MORN5: variants seen among roughly 807,000 people sequenced by gnomAD.
The protein encoded by MORN5 is MORN repeat-containing protein 5.
In MORN5, 21 loss-of-function variants were observed where a neutral mutation model predicts 22.1. That is an observed-to-expected ratio of 0.95 (90% CI 0.67 to 1.37). The LOEUF is 1.37. MORN5 is among the 40% of genes most tolerant of loss of function. MORN5 has a pLI of 0.00. For synonymous variants in MORN5, 73 were observed against 74.0 expected (o/e 0.99, Z 0.07); for missense variants, 211 against 215.1 (o/e 0.98, Z 0.12).
chr9:122,175,574 G>A, intron 4 of MORN5: 1 of 984,748 alleles, frequency 1.0e-6, no homozygotes, highest in African/African-American at 1.8e-5. Context: ...AATGTCCAAT[G>A]CATGCACACA....
chr9:122,182,643 C>T (rs866872416), intron 4 of MORN5, among the ~76,000 whole-genome samples: 15 of 152,110 alleles, frequency 9.9e-5, no homozygotes, highest in African/African-American at 2.4e-4. Flanking sequence ...CCCAGCTACT[C>T]GGGAGGCTGA....
intron 4 of MORN5, among the ~76,000 whole-genome samples, chr9:122,191,738 C>A (rs930583404): frequency 6.6e-6 from 1 of 152,262 alleles, no homozygotes; most frequent in Non-Finnish European, 1.5e-5. Flanking sequence ...GACCCCAATC[C>A]GCCTGCTTGC....
At chr9:122,187,428 C>T (rs1344508074) in intron 4 of MORN5, among the ~76,000 whole-genome samples, 6 of 152,204 alleles carry the variant, frequency 3.9e-5, no homozygotes, top group African/African-American at 1.4e-4. Context: ...GAGCCTTAGG[C>T]CCCCTAAGCT....
At chr9:122,184,315 C>T (rs1007583426) in intron 4 of MORN5, among the ~76,000 whole-genome samples, 7 of 152,252 alleles carry the variant, frequency 4.6e-5, no homozygotes, top group South Asian at 4.2e-4. Flanking sequence ...GTGAAAAGCT[C>T]CCAGACATGA....
At chr9:122,176,911 A>G (rs1801074288) in intron 4 of MORN5, among the ~76,000 whole-genome samples, 1 of 152,214 alleles carries the variant, frequency 6.6e-6, no homozygotes. Flanking sequence ...AGAATTTAGT[A>G]TCAGGAAATT....
chr9:122,169,504 C>A, intron 2 of MORN5, 141 bp from the exon 3 acceptor site: 1 of 630,394 alleles, frequency 1.6e-6, no homozygotes, highest in East Asian at 2.7e-5. Flanking sequence ...TCCCTCTTGT[C>A]GTCACAACCA....
intron 4 of MORN5, among the ~76,000 whole-genome samples, chr9:122,182,466 C>T (rs1343799035): frequency 1.3e-5 from 2 of 152,216 alleles, no homozygotes; most frequent in East Asian, 3.9e-4. Context: ...AACAGCTTAC[C>T]TTGGCCATGT....
intron 1 of MORN5, among the ~76,000 whole-genome samples, chr9:122,161,064 C>G (rs1464981859): frequency 1.3e-5 from 2 of 152,192 alleles, no homozygotes; most frequent in Admixed American, 6.5e-5. Flanking sequence ...GGTGGCCACT[C>G]TTTTTTGCCA....
chr9:122,166,959 C>T (rs371869893), intron 2 of MORN5, 44 bp downstream of exon 2: 32 of 1,574,202 alleles, frequency 2.0e-5, no homozygotes, highest in African/African-American at 2.7e-5. Context: ...GAGATCCTCA[C>T]GCAAGAAGAG....
At chr9:122,165,508 G>A (rs1445321875) in intron 1 of MORN5, among the ~76,000 whole-genome samples, 1 of 151,950 alleles carries the variant, frequency 6.6e-6, no homozygotes, top group Non-Finnish European at 1.5e-5. Flanking sequence ...TCAGGGGATT[G>A]AGGCTGCATT....
intron 4 of MORN5, chr9:122,175,536 C>A: frequency 1.0e-6 from 1 of 985,346 alleles, no homozygotes. Flanking sequence ...CTAGGAATAT[C>A]AAAAGATACG....
intron 2 of MORN5, among the ~76,000 whole-genome samples, chr9:122,167,182 G>A (rs950262312): frequency 1.3e-5 from 2 of 150,600 alleles, no homozygotes; most frequent in East Asian, 1.9e-4. Context: ...CGAGTAGCTG[G>A]GACTACGGGC....
At chr9:122,170,107 G>A (rs2118748597) in intron 3 of MORN5, among the ~76,000 whole-genome samples, 1 of 152,262 alleles carries the variant, frequency 6.6e-6, no homozygotes, top group South Asian at 2.1e-4. Flanking sequence ...AGACCATCCT[G>A]GCCAACATGG....
chr9:122,173,491 A>G (rs1009022246), intron 3 of MORN5, among the ~76,000 whole-genome samples: 3 of 152,144 alleles, frequency 2.0e-5, no homozygotes, highest in African/African-American at 7.2e-5. Context: ...TCATTAAGCA[A>G]CACAAGAGTA....
At chr9:122,191,036 A>G (rs532358993) in intron 4 of MORN5, among the ~76,000 whole-genome samples, 5 of 152,284 alleles carry the variant, frequency 3.3e-5, no homozygotes, top group East Asian at 3.9e-4. Flanking sequence ...GACAGCCCCT[A>G]TGACAGAAGC....
chr9:122,172,128 ATT>A (rs749607897), intron 3 of MORN5, among the ~76,000 whole-genome samples: 7 of 136,802 alleles, frequency 5.1e-5, no homozygotes, highest in African/African-American at 1.1e-4. Context: ...CTCCTGGTTA[ATT>A]TTTTTTTTTT....
intron 4 of MORN5, among the ~76,000 whole-genome samples, chr9:122,192,739 G>C (rs1296938784): frequency 1.3e-5 from 2 of 152,180 alleles, no homozygotes; most frequent in Non-Finnish European, 2.9e-5. Flanking sequence ...CCATGTGGTA[G>C]GGCTGCCCAA....
intron 4 of MORN5, among the ~76,000 whole-genome samples, chr9:122,196,357 CAG>C (rs1185159660): frequency 1.4e-5 from 2 of 141,818 alleles, no homozygotes; most frequent in Non-Finnish European, 3.0e-5. Flanking sequence ...TTTTTTGAGA[CAG>C]AGTCTTGCTC....
chr9:122,168,592 C>T (rs1007874129), intron 2 of MORN5, among the ~76,000 whole-genome samples: 6 of 152,188 alleles, frequency 3.9e-5, no homozygotes, highest in African/African-American at 1.2e-4. Context: ...AATTTCCACC[C>T]GTGTTTCCTG....
Sources: gnomAD v4.1 joint callset for allele counts (sites outside exome capture counted in the v4.1 genomes callset) on GRCh38, gnomAD v4.1.1 for gene constraint, MANE v1.5 for transcripts, NCBI Gene and HGNC (gene_info 2026-07-23, HGNC 2026-07-21) for gene names.